The following PLCL1 variants were observed in gnomAD, a reference collection of about 807,000 sequenced individuals.
PLCL1 encodes the protein inactive phospholipase C-like protein 1.
Under a neutral mutation model 84.4 loss-of-function variants are expected in PLCL1, and 41 were observed. That is an observed-to-expected ratio of 0.49 (90% confidence interval 0.38 to 0.63). The LOEUF is 0.63. Among genes scored for constraint, PLCL1 ranks in the 30% least tolerant of loss-of-function variants. The probability of loss-of-function intolerance (pLI) is 0.00; values close to 1 mark genes in which losing one functional copy is unlikely to be tolerated. For synonymous variants in PLCL1, 490 were observed against 488.3 expected, an observed-to-expected ratio of 1.00 and a Z score of -0.05; for missense variants, 1,206 against 1,367.8, an observed-to-expected ratio of 0.88 and a Z score of 1.87.
chr2:198,099,117 A>T (rs1380700991), intron 3 of PLCL1, among the ~76,000 whole-genome samples: 1 of 152,146 alleles, frequency 6.6e-6, no homozygotes, highest in Non-Finnish European at 1.5e-5. Flanking sequence ...GAGACATCAG[A>T]TATGTAAATC....
At chr2:198,015,296 C>T (rs1690971120) in intron 1 of PLCL1, among the ~76,000 whole-genome samples, 1 of 152,050 alleles carries the variant, frequency 6.6e-6, no homozygotes, top group African/African-American at 2.4e-5. Flanking sequence ...TAAAAAGTGT[C>T]ACTGTAAGAT....
intron 1 of PLCL1, among the ~76,000 whole-genome samples, chr2:197,997,513 T>C (rs1030811450): frequency 2.6e-5 from 4 of 152,204 alleles, no homozygotes; most frequent in African/African-American, 9.7e-5. Flanking sequence ...GGTTATTTGT[T>C]CATCGAGCTG....
intron 5 of PLCL1, among the ~76,000 whole-genome samples, chr2:198,124,320 T>C (rs1043502945): frequency 6.6e-6 from 1 of 152,126 alleles, no homozygotes; most frequent in Non-Finnish European, 1.5e-5. Context: ...CATAATATAA[T>C]GTAATTAAAA....
chr2:197,978,678 C>T (rs1247843632), intron 1 of PLCL1, among the ~76,000 whole-genome samples: 2 of 152,224 alleles, frequency 1.3e-5, no homozygotes, highest in African/African-American at 4.8e-5. Context: ...TCTTCCAAAT[C>T]AGAGTTGTGA....
At chr2:197,931,207 A>G (rs1223470210) in intron 1 of PLCL1, among the ~76,000 whole-genome samples, 1 of 152,184 alleles carries the variant, frequency 6.6e-6, no homozygotes, top group East Asian at 1.9e-4. Flanking sequence ...TATTGCTAGC[A>G]AGAAAGCCTG....
intron 5 of PLCL1, among the ~76,000 whole-genome samples, chr2:198,108,353 AG>A (rs1574318079): frequency 1.3e-5 from 2 of 151,910 alleles, no homozygotes; most frequent in East Asian, 3.9e-4. Context: ...AGAGAGAGGG[AG>A]TGGGAATTAA....
chr2:198,011,701 G>A (rs574628204), intron 1 of PLCL1, among the ~76,000 whole-genome samples: 2 of 152,132 alleles, frequency 1.3e-5, no homozygotes, highest in Admixed American at 1.3e-4. Context: ...TGAGAGTGGG[G>A]TATTGAAGTC....
Position 198,084,747 on chromosome 2 carries a change from T to A in PLCL1, c.1230T>A (p.Asn410Lys). The A allele has an allele frequency of 6.2e-7, 1 of 1,614,126 alleles. No individual in the cohort carries two copies. The highest frequency in any genetic ancestry group is 8.5e-7 in the Non-Finnish European group (1 of 1,179,998). The change falls in exon 2 of 6, where the codon AAT becomes AAA. Residue 410 changes from asparagine (N) to lysine (K), a missense_variant. By Grantham distance (94) the Asn-to-Lys change is moderately conservative. Coordinates refer to ENST00000428675, the MANE Select transcript of PLCL1 (RefSeq NM_006226.4). ...MTQPLSHYYI[N>K]ASHNTYLIED... Reference sequence around the variant, plus strand: ...AGCCATTATCTCACTACTATATCAATGCCTCTCATAACACCTATCTAATAG... The same window carrying A: ...AGCCATTATCTCACTACTATATCAAAGCCTCTCATAACACCTATCTAATAG...
intron 1 of PLCL1, among the ~76,000 whole-genome samples, chr2:197,946,932 A>G (rs775565268): frequency 6.6e-6 from 1 of 152,098 alleles, no homozygotes; most frequent in Non-Finnish European, 1.5e-5. Flanking sequence ...CCCTGTGTAC[A>G]TCTTCCTCAG....
chr2:198,068,659 A>G (rs1435859729), intron 1 of PLCL1, among the ~76,000 whole-genome samples: 1 of 152,216 alleles, frequency 6.6e-6, no homozygotes, highest in Non-Finnish European at 1.5e-5. Flanking sequence ...CTTTGTGTTC[A>G]GACAAATTGA....
chr2:198,130,638 A>T (rs1694098061), intron 5 of PLCL1, among the ~76,000 whole-genome samples: 1 of 152,062 alleles, frequency 6.6e-6, no homozygotes, highest in South Asian at 2.1e-4. Flanking sequence ...ATCCTCAGTG[A>T]CACCTCTGGA....
At chr2:197,979,052 T>C (rs1036642654) in intron 1 of PLCL1, among the ~76,000 whole-genome samples, 5 of 152,240 alleles carry the variant, frequency 3.3e-5, no homozygotes, top group African/African-American at 9.6e-5. Flanking sequence ...TTTCCACTAA[T>C]ATCATTTGAA....
chr2:197,825,539 CT>C (rs1379639784), intron 1 of PLCL1, among the ~76,000 whole-genome samples: 2 of 152,180 alleles, frequency 1.3e-5, no homozygotes, highest in Non-Finnish European at 2.9e-5. Context: ...CTACTAAGTG[CT>C]AAGCATGTAC....
At chr2:197,934,576 A>T (rs997526319) in intron 1 of PLCL1, among the ~76,000 whole-genome samples, 1 of 152,234 alleles carries the variant, frequency 6.6e-6, no homozygotes, top group Non-Finnish European at 1.5e-5. Flanking sequence ...TAAGAGAGGC[A>T]TAAACTTAAA....
At chr2:198,067,605 A>G (rs1692351904) in intron 1 of PLCL1, among the ~76,000 whole-genome samples, 1 of 152,194 alleles carries the variant, frequency 6.6e-6, no homozygotes, top group South Asian at 2.1e-4. Context: ...TGGAACTAGA[A>G]AAGCATAGTA....
intron 1 of PLCL1, among the ~76,000 whole-genome samples, chr2:197,807,518 C>T (rs1310742664): frequency 3.5e-5 from 4 of 113,480 alleles, no homozygotes; most frequent in African/African-American, 1.5e-4. Flanking sequence ...TGTTCCACTC[C>T]GTCTCTGAGA....
At chr2:197,891,265 G>T (rs1370372853) in intron 1 of PLCL1, among the ~76,000 whole-genome samples, 3 of 152,136 alleles carry the variant, frequency 2.0e-5, no homozygotes, top group Admixed American at 2.0e-4. Context: ...CACTAAGGAT[G>T]GAGTGACCCC....
At chr2:198,033,129 T>C (rs1477523639) in intron 1 of PLCL1, among the ~76,000 whole-genome samples, 1 of 152,224 alleles carries the variant, frequency 6.6e-6, no homozygotes, top group Non-Finnish European at 1.5e-5. Flanking sequence ...AACAAAAGAA[T>C]AATTTTAATG....
intron 1 of PLCL1, among the ~76,000 whole-genome samples, chr2:197,905,545 T>C (rs181939657): frequency 2.0e-5 from 3 of 152,366 alleles, no homozygotes. Context: ...TAAATAGTGC[T>C]GCAGTAAGCA....
Sources: allele counts gnomAD v4.1 joint callset (sites outside exome capture counted in the v4.1 genomes callset), GRCh38; gene constraint gnomAD v4.1.1; transcripts MANE v1.5; gene names NCBI Gene and HGNC (gene_info 2026-07-23, HGNC 2026-07-21).